Variants in SCHIP1 observed in about 807,000 individuals in gnomAD.
The protein encoded by SCHIP1 is schwannomin interacting protein 1.
A neutral mutation model predicts 29.7 loss-of-function variants in SCHIP1; 8 were observed. The observed-to-expected ratio is 0.27, with a 90% CI of 0.16 to 0.49. SCHIP1 has a LOEUF of 0.49. Among genes scored for constraint, SCHIP1 ranks in the 20% least tolerant of loss-of-function variants. The pLI is 0.99. For missense variants in SCHIP1, 193 were observed against 294.6 expected (o/e 0.66, Z 2.52); for synonymous variants, 76 against 94.9 (o/e 0.80, Z 1.16).
chr3:159,286,701 G>A, the SCHIP1 span, among the ~76,000 whole-genome samples: 1 of 152,188 alleles, frequency 6.6e-6, no homozygotes. Flanking sequence ...CAGTGTGTAA[G>A]TGTTCCCTTT....
At chr3:159,515,501 T>A in the SCHIP1 span, among the ~76,000 whole-genome samples, 1 of 152,346 alleles carries the variant, frequency 6.6e-6, no homozygotes, top group South Asian at 2.1e-4. Flanking sequence ...TTTCTTGATT[T>A]CTTCATTTGT....
chr3:159,376,691 C>A, the SCHIP1 span, among the ~76,000 whole-genome samples: 2 of 152,110 alleles, frequency 1.3e-5, no homozygotes, highest in Admixed American at 1.3e-4. Context: ...CTTGGCCAGG[C>A]CTTCTCCCTT....
At chr3:159,896,687 A>G (rs556027959) in intron 6 of SCHIP1, 36 bp from the exon 8 acceptor site, 1 of 1,575,778 alleles carries the variant, frequency 6.3e-7, no homozygotes, top group East Asian at 2.3e-5. Flanking sequence ...GGATCTCTCT[A>G]CATGATGCTA....
At chr3:159,369,321 G>A in the SCHIP1 span, among the ~76,000 whole-genome samples, 1 of 151,964 alleles carries the variant, frequency 6.6e-6, no homozygotes, top group South Asian at 2.1e-4. Context: ...TAACATAAAT[G>A]TACTGTTGAG....
intron 2 of SCHIP1, among the ~76,000 whole-genome samples, chr3:159,884,227 A>G (rs1011194758): frequency 1.3e-5 from 2 of 152,098 alleles, no homozygotes; most frequent in Non-Finnish European, 2.9e-5. Context: ...TATTATTAAA[A>G]GGGGGTTGAT....
chr3:159,624,351 G>A, the SCHIP1 span, among the ~76,000 whole-genome samples: 4 of 152,112 alleles, frequency 2.6e-5, no homozygotes, highest in East Asian at 1.9e-4. Flanking sequence ...ACTCATCCAG[G>A]TACTTCTAAC....
chr3:159,363,779 G>A, the SCHIP1 span, among the ~76,000 whole-genome samples: 1 of 152,184 alleles, frequency 6.6e-6, no homozygotes, highest in Admixed American at 6.5e-5. Flanking sequence ...ATTGTCATGT[G>A]AAGGTCATTT....
chr3:159,429,300 T>C, the SCHIP1 span, among the ~76,000 whole-genome samples: 1 of 151,562 alleles, frequency 6.6e-6, no homozygotes, highest in Non-Finnish European at 1.5e-5. Context: ...CATAAGAGAC[T>C]ACAAGGTTTT....
the SCHIP1 span, among the ~76,000 whole-genome samples, chr3:159,394,798 C>A: frequency 2.5e-4 from 38 of 151,908 alleles, no homozygotes; most frequent in Admixed American, 8.5e-4. Flanking sequence ...TGTCTCTGCC[C>A]GGCTTTGGTA....
the SCHIP1 span, among the ~76,000 whole-genome samples, chr3:159,702,565 A>T: frequency 9.2e-5 from 14 of 152,240 alleles, no homozygotes; most frequent in African/African-American, 3.4e-4. Context: ...CTGACAATAC[A>T]TCTAAAGAAG....
At chr3:159,337,766 A>C in the SCHIP1 span, among the ~76,000 whole-genome samples, 1 of 152,200 alleles carries the variant, frequency 6.6e-6, no homozygotes, top group Admixed American at 6.5e-5. Flanking sequence ...TTATAATATT[A>C]GCCCTGTTTC....
chr3:159,473,831 T>C, the SCHIP1 span, among the ~76,000 whole-genome samples: 4 of 152,078 alleles, frequency 2.6e-5, no homozygotes, highest in Admixed American at 2.0e-4. Context: ...AAATAAATTC[T>C]TGAAATCAAG....
At chr3:159,478,776 C>A in the SCHIP1 span, among the ~76,000 whole-genome samples, 220 of 152,150 alleles carry the variant, frequency 1.4e-3, no homozygotes, top group African/African-American at 5.1e-3. Context: ...AGGTCTTTCA[C>A]CTCATTGGTT....
At chr3:159,785,304 T>C in the SCHIP1 span, among the ~76,000 whole-genome samples, 1 of 152,262 alleles carries the variant, frequency 6.6e-6, no homozygotes, top group African/African-American at 2.4e-5. Context: ...GGCAATGCAC[T>C]TAAAATGCCA....
the SCHIP1 span, among the ~76,000 whole-genome samples, chr3:159,715,951 G>A: frequency 2.6e-5 from 4 of 152,192 alleles, no homozygotes; most frequent in Non-Finnish European, 5.9e-5. Flanking sequence ...ATAATTGTCA[G>A]ATTCACCAAA....
chr3:159,692,368 C>T, the SCHIP1 span, among the ~76,000 whole-genome samples: 3 of 147,924 alleles, frequency 2.0e-5, no homozygotes, highest in Non-Finnish European at 3.0e-5. Context: ...ACCAATTAGA[C>T]GTAGATTTGG....
chr3:159,599,719 A>G, the SCHIP1 span, among the ~76,000 whole-genome samples: 12 of 152,170 alleles, frequency 7.9e-5, no homozygotes, highest in Non-Finnish European at 1.2e-4. Flanking sequence ...ATATGTAAGT[A>G]TCTCTTAATC....
the SCHIP1 span, among the ~76,000 whole-genome samples, chr3:159,577,059 G>C: frequency 6.6e-6 from 1 of 152,004 alleles, no homozygotes; most frequent in Non-Finnish European, 1.5e-5. Flanking sequence ...AATGATTCAG[G>C]CTTTTCCATT....
the SCHIP1 span, among the ~76,000 whole-genome samples, chr3:159,656,130 A>G: frequency 6.2e-4 from 94 of 152,306 alleles, no homozygotes; most frequent in African/African-American, 2.2e-3. Context: ...AGATCTGGTA[A>G]GAAGAATCTT....
Sources: allele counts gnomAD v4.1 joint callset (sites outside exome capture counted in the v4.1 genomes callset), GRCh38; gene constraint gnomAD v4.1.1; transcripts MANE v1.5; gene names NCBI Gene and HGNC (gene_info 2026-07-23, HGNC 2026-07-21).